The following ZFHX3 variants were observed in gnomAD, a reference collection of about 807,000 sequenced individuals.
ZFHX3 encodes zinc finger homeobox 3.
In ZFHX3, 42 loss-of-function variants were observed where a neutral mutation model predicts 279.1. The observed-to-expected ratio is 0.15, with a 90% CI of 0.12 to 0.19. The LOEUF (loss-of-function observed/expected upper bound fraction) is 0.19, where lower values mean the gene tolerates loss of function less well. Ranked by LOEUF, ZFHX3 falls within the 10% of genes least tolerant of loss-of-function variation. ZFHX3 has a pLI of 1.00. For missense variants in ZFHX3, 4,981 were observed against 4,754.0 expected (o/e 1.05, Z -1.40); for synonymous variants, 2,293 against 1,957.8 (o/e 1.17, Z -4.52).
chr16:73,394,623 T>C (rs892702259), intron 3 of ZFHX3, among the ~76,000 whole-genome samples: 1 of 152,118 alleles, frequency 6.6e-6, no homozygotes, highest in South Asian at 2.1e-4. Flanking sequence ...AATAATACTT[T>C]ACATGAACAG....
intron 3 of ZFHX3, among the ~76,000 whole-genome samples, chr16:73,345,539 G>C (rs907922222): frequency 6.6e-6 from 1 of 152,012 alleles, no homozygotes; most frequent in African/African-American, 2.4e-5. Flanking sequence ...ATGGCTTCCA[G>C]CTCCATCCAT....
chr16:73,190,014 T>C (rs1324813539), intron 5 of ZFHX3, among the ~76,000 whole-genome samples: 1 of 152,150 alleles, frequency 6.6e-6, no homozygotes, highest in Non-Finnish European at 1.5e-5. Flanking sequence ...CTCACCAACA[T>C]CTCACATCCA....
chr16:73,286,119 C>T (rs1301932498), intron 4 of ZFHX3, among the ~76,000 whole-genome samples: 1 of 152,080 alleles, frequency 6.6e-6, no homozygotes, highest in Non-Finnish European at 1.5e-5. Context: ...CCAACCAATT[C>T]TTCCCTCCGC....
intron 5 of ZFHX3, among the ~76,000 whole-genome samples, chr16:73,194,187 A>G (rs995272816): frequency 1.3e-5 from 2 of 151,784 alleles, no homozygotes; most frequent in Non-Finnish European, 2.9e-5. Flanking sequence ...ATTTTATTTT[A>G]TTGCCTTCCT....
intron 4 of ZFHX3, among the ~76,000 whole-genome samples, chr16:72,843,753 T>G (rs1017333892): frequency 6.6e-6 from 1 of 152,046 alleles, no homozygotes. Context: ...GCAGGTGGAT[T>G]CTAATAATGG....
At chr16:73,127,504 T>G (rs1195179889) in intron 7 of ZFHX3, 22 of 1,305,208 alleles carry the variant, frequency 1.7e-5, no homozygotes, top group Non-Finnish European at 2.1e-5. Flanking sequence ...TGGTGATGGA[T>G]GGGGGAAGAA....
intron 4 of ZFHX3, among the ~76,000 whole-genome samples, chr16:73,268,499 G>A (rs138003357): frequency 1.3e-5 from 2 of 152,326 alleles, no homozygotes; most frequent in Non-Finnish European, 2.9e-5. Flanking sequence ...CCGACGCAGG[G>A]CATGGCTCTG....
intron 5 of ZFHX3, among the ~76,000 whole-genome samples, chr16:73,147,950 T>A (rs1235389555): frequency 6.6e-6 from 1 of 152,168 alleles, no homozygotes; most frequent in African/African-American, 2.4e-5. Flanking sequence ...GGATAATATA[T>A]CTTCTCTTTG....
chr16:73,617,698 C>G (rs2143896516), intron 2 of ZFHX3, among the ~76,000 whole-genome samples: 1 of 137,232 alleles, frequency 7.3e-6, no homozygotes, highest in East Asian at 2.0e-4. Flanking sequence ...GAGAAAATCA[C>G]TGAGGAAACC....
At chr16:73,235,915 C>T (rs1340600838) in intron 5 of ZFHX3, among the ~76,000 whole-genome samples, 1 of 152,174 alleles carries the variant, frequency 6.6e-6, no homozygotes, top group East Asian at 1.9e-4. Context: ...AAGCAATCTG[C>T]CCACCTAGGC....
Position 72,957,793 on chromosome 16 carries a change from T to C in ZFHX3, c.2353A>G (p.Asn785Asp), listed in dbSNP as rs756325804. Residue 785 changes from asparagine (N) to aspartate (D), a missense_variant, in exon 2 of 10, where the codon AAT becomes GAT. Physicochemically the swap from Asn to Asp is conservative, Grantham distance 23. This residue lies in a region of ZFHX3 where 1,751 missense variants were observed against 1,770.0 expected (regional missense o/e 0.99). Transcript: ENST00000268489. ...AAVAAAAAAA[N>D]ISSSCGAPSP... ...GGGGCCCCGCAGGAGCTACTGATATTGGCTGCCGCCGCCGCCGCAGCCACC... is the reference window on the plus strand; with the variant it reads ...GGGGCCCCGCAGGAGCTACTGATATCGGCTGCCGCCGCCGCCGCAGCCACC... 1.2e-6 allele frequency: 2 copies of C among 1,611,736 alleles called. No homozygotes were observed. Among genetic ancestry groups the C allele is most frequent in the South Asian group, 1.1e-5 (1 of 91,052 alleles).
At chr16:73,687,706 G>A (rs2053103965) in intron 1 of ZFHX3, among the ~76,000 whole-genome samples, 2 of 151,812 alleles carry the variant, frequency 1.3e-5, no homozygotes, top group Non-Finnish European at 2.9e-5. Flanking sequence ...GCCAGGCATG[G>A]TGGCACATGC....
In ZFHX3 at chr16:72,798,558, G is replaced by T. The variant is rs754430375; in HGVS notation, c.4124C>A (p.Ala1375Asp). 6.2e-7 allele frequency: 1 copy of T among 1,614,160 alleles called. No individual in the cohort carries two copies. The highest frequency in any genetic ancestry group is 8.5e-7 in the Non-Finnish European group (1 of 1,180,030). ...KGCNQVFKTS[A>D]ALQTHFNEVH... ...TTCATTAAAATGCGTCTGAAGGGCA[G>T]CAGAAGTTTTGAAAACCTGGTTGCA... Residue 1375 changes from alanine (A) to aspartate (D), a missense_variant, in exon 9 of 10, where the codon GCT (alanine) becomes GAT (aspartate). Physicochemically the swap from Ala to Asp is moderately radical, Grantham distance 126. Coordinates refer to ENST00000268489, the MANE Select transcript of ZFHX3 (RefSeq NM_006885.4).
chr16:73,000,667 T>C (rs1963459664), intron 1 of ZFHX3, among the ~76,000 whole-genome samples: 1 of 152,150 alleles, frequency 6.6e-6, no homozygotes, highest in Non-Finnish European at 1.5e-5. Flanking sequence ...CACTGGATGT[T>C]TTCAGCGGCC....
chr16:72,828,134 C>T (rs140315428), intron 5 of ZFHX3, among the ~76,000 whole-genome samples: 16 of 152,218 alleles, frequency 1.1e-4, no homozygotes, highest in African/African-American at 2.6e-4. Flanking sequence ...AGTCCAACAC[C>T]GAACATGATT....
chr16:73,342,598 T>C (rs185510412), intron 3 of ZFHX3, among the ~76,000 whole-genome samples: 73 of 152,236 alleles, frequency 4.8e-4, no homozygotes, highest in African/African-American at 1.7e-3. Flanking sequence ...CTATTTTTTA[T>C]AAGAAAGAAG....
chr16:73,663,784 G>A (rs1319771790), intron 2 of ZFHX3, among the ~76,000 whole-genome samples: 1 of 152,176 alleles, frequency 6.6e-6, no homozygotes, highest in East Asian at 1.9e-4. Context: ...ACCAAGATGG[G>A]TAGTGCTAAG....
chr16:73,747,400 A>C (rs1446094305), intron 1 of ZFHX3, among the ~76,000 whole-genome samples: 6 of 152,096 alleles, frequency 3.9e-5, no homozygotes, highest in African/African-American at 1.4e-4. Context: ...GAAAAGAAAA[A>C]ATTCTTTAGA....
intron 4 of ZFHX3, among the ~76,000 whole-genome samples, chr16:73,308,462 T>C (rs1419645671): frequency 6.6e-6 from 1 of 151,648 alleles, no homozygotes; most frequent in African/African-American, 2.4e-5. Flanking sequence ...GGCTAATTTT[T>C]GTAATTTTAG....
Sources: gnomAD v4.1 joint callset for allele counts (sites outside exome capture counted in the v4.1 genomes callset) on GRCh38, gnomAD v4.1.1 for gene constraint, gnomAD v4.1.1 regional missense constraint, MANE v1.5 for transcripts, NCBI Gene and HGNC (gene_info 2026-07-23, HGNC 2026-07-21) for gene names.